FAM135B: variants seen among roughly 807,000 people sequenced by gnomAD.
FAM135B encodes the protein protein FAM135B.
In FAM135B, 43 loss-of-function variants were observed where a neutral mutation model predicts 127.7. That is an observed-to-expected ratio of 0.34 (90% confidence interval 0.26 to 0.43). The LOEUF (loss-of-function observed/expected upper bound fraction) is 0.43, where lower values mean the gene tolerates loss of function less well. Among genes scored for constraint, FAM135B ranks in the 20% least tolerant of loss-of-function variants. The probability of loss-of-function intolerance (pLI) is 1.00; values close to 1 mark genes in which losing one functional copy is unlikely to be tolerated. For missense variants in FAM135B, 1,558 were observed against 1,725.6 expected, an observed-to-expected ratio of 0.90 and a Z score of 1.72; for synonymous variants, 670 against 665.1, an observed-to-expected ratio of 1.01 and a Z score of -0.11.
In FAM135B at chr8:138,244,247, T is replaced by C. The variant is rs7825064; in HGVS notation, c.543-1179A>G. Among the ~76,000 whole-genome samples the C allele has an allele frequency of 6.0e-3, 915 of 152,256 alleles. 5 individuals are homozygous for C. Among genetic ancestry groups the C allele is most frequent in the South Asian group, 0.013 (65 of 4,816 alleles). On this transcript the variant is annotated intron_variant, in intron 6 of 19. Transcript: ENST00000395297. The stretch of plus-strand genomic sequence containing the variant: ...AAGGAAACCAATAGATGTAATACAA[T>C]GCAGGAAAACTCAGGCCAGTGTGTG...
intron 3 of FAM135B, among the ~76,000 whole-genome samples, chr8:138,295,913 T>C (rs1825448309): frequency 6.6e-6 from 1 of 152,106 alleles, no homozygotes; most frequent in South Asian, 2.1e-4. Flanking sequence ...AAAAGCACAT[T>C]TGTCAGGTGT....
rs142662875 is a variant in FAM135B, at chr8:138,308,910, G to C, written c.157+1931C>G. 7.8e-4 allele frequency: 304 copies of C among 391,078 alleles called. 1 individual carries two copies. The highest frequency in any genetic ancestry group is 6.6e-3 in the East Asian group (89 of 13,420). The allele number at this position is 391,078 out of a possible 1,614,324, so 24.2% of individuals were successfully genotyped here. ...TGCTTCACTTCTAGGTCTCCTCTCCGAGGCTTTTACCTTGACCCTGAGAGC... is the reference window on the plus strand; with the variant it reads ...TGCTTCACTTCTAGGTCTCCTCTCCCAGGCTTTTACCTTGACCCTGAGAGC... On this transcript the variant is annotated intron_variant, in intron 3 of 19. Coordinates refer to ENST00000395297, the MANE Select transcript of FAM135B (RefSeq NM_015912.4).
intron 3 of FAM135B, among the ~76,000 whole-genome samples, chr8:138,291,972 G>C (rs1039831795): frequency 1.3e-5 from 2 of 152,086 alleles, no homozygotes; most frequent in Non-Finnish European, 2.9e-5. Context: ...AAAGGAAGAG[G>C]TAAAGTTGTT....
rs114972044 is a variant in FAM135B at position 138,283,345 on chromosome 8, T to C, written c.158-17503A>G. 6.3e-3 allele frequency among the ~76,000 whole-genome samples: 963 copies of C among 151,770 alleles called. 15 individuals carry two copies. Among genetic ancestry groups the C allele is most frequent in the African/African-American group, 0.022 (923 of 41,342 alleles). ...TGTAAATACTTATTACTAATTGAAA[T>C]AAGTCAATCTAAAGGGCTAAGTACT... On this transcript the variant is annotated intron_variant, in intron 3 of 19. Transcript: ENST00000395297.
chr8:138,301,800 T>C (rs909638421), intron 3 of FAM135B, among the ~76,000 whole-genome samples: 4 of 152,218 alleles, frequency 2.6e-5, no homozygotes, highest in African/African-American at 9.6e-5. Flanking sequence ...ATGCACACAA[T>C]TTTATAACGC....
At chr8:138,426,442 G>T (rs1834894956) in intron 1 of FAM135B, among the ~76,000 whole-genome samples, 1 of 151,182 alleles carries the variant, frequency 6.6e-6, no homozygotes, top group Non-Finnish European at 1.5e-5. Flanking sequence ...AAGCATGCAT[G>T]TACCTCATTA....
At chr8:138,314,032 AC>A (rs1222468069) in intron 2 of FAM135B, among the ~76,000 whole-genome samples, 3 of 151,974 alleles carry the variant, frequency 2.0e-5, no homozygotes, top group African/African-American at 7.3e-5. Context: ...TTTGAGATGG[AC>A]CCCAGGCATA....
At chr8:138,467,872 C>T (rs538665856) in intron 1 of FAM135B, among the ~76,000 whole-genome samples, 11 of 152,176 alleles carry the variant, frequency 7.2e-5, no homozygotes, top group African/African-American at 2.7e-4. Context: ...TATGAAATAT[C>T]ATTTATTTAC....
intron 2 of FAM135B, among the ~76,000 whole-genome samples, chr8:138,337,672 G>C (rs1417116253): frequency 2.0e-5 from 3 of 152,040 alleles, no homozygotes; most frequent in African/African-American, 7.2e-5. Flanking sequence ...TTGTGAAAAT[G>C]GCCAAACTGC....
intron 1 of FAM135B, among the ~76,000 whole-genome samples, chr8:138,390,897 T>C (rs1021480370): frequency 4.6e-5 from 7 of 152,072 alleles, no homozygotes; most frequent in African/African-American, 7.2e-5. Context: ...CCTTCAGAAA[T>C]GTACACTTTG....
At chr8:138,378,996 G>A (rs995091526) in intron 1 of FAM135B, among the ~76,000 whole-genome samples, 16 of 152,164 alleles carry the variant, frequency 1.1e-4, no homozygotes, top group African/African-American at 3.9e-4. Context: ...CTCAGGCATG[G>A]AGCCTTTTCC....
chr8:138,151,954 C>T lies in FAM135B; in HGVS notation c.2521G>A (p.Gly841Ser), dbSNP rs1319014818. The T allele has an allele frequency of 6.2e-7, 1 of 1,614,132 alleles. No individual in the cohort carries two copies. Among genetic ancestry groups the T allele is most frequent in the Admixed American group, 1.7e-5 (1 of 60,032 alleles). Residue 841 changes from glycine (G) to serine (S), a missense_variant, in exon 13 of 20, where the codon GGC becomes AGC. Gly to Ser is a moderately conservative substitution (Grantham distance 56). Transcript: ENST00000395297. ...EIVLDADNQQ[G>S]PGYIDIPKGK... is the part of the protein sequence containing the mutation. ...TTGGGGATGTCTATGTATCCGGGGC[C>T]CTGCTGGTTGTCAGCATCTAAAACT...
At chr8:138,185,739 G>A (rs185559028) in intron 9 of FAM135B, among the ~76,000 whole-genome samples, 26 of 152,234 alleles carry the variant, frequency 1.7e-4, no homozygotes, top group Admixed American at 3.9e-4. Context: ...GAAAACCTCC[G>A]TTGCTGTATT....
intron 1 of FAM135B, among the ~76,000 whole-genome samples, chr8:138,452,948 C>T (rs983253026): frequency 1.3e-5 from 2 of 152,206 alleles, no homozygotes; most frequent in East Asian, 3.9e-4. Context: ...GAAGCTACAA[C>T]GTCTTCTGTG....
At chr8:138,474,839 C>T (rs1814311047) in intron 1 of FAM135B, among the ~76,000 whole-genome samples, 2 of 152,078 alleles carry the variant, frequency 1.3e-5, no homozygotes. Context: ...CTCTCTATTC[C>T]CAGTGTGCTG....
At chr8:138,417,497 T>G (rs544048234) in intron 1 of FAM135B, among the ~76,000 whole-genome samples, 1 of 152,202 alleles carries the variant, frequency 6.6e-6, no homozygotes, top group Non-Finnish European at 1.5e-5. Flanking sequence ...GCCACTGGCA[T>G]GAATGTGTAC....
intron 12 of FAM135B, among the ~76,000 whole-genome samples, chr8:138,165,982 T>G (rs1196392567): frequency 1.3e-5 from 2 of 152,332 alleles, no homozygotes; most frequent in African/African-American, 4.8e-5. Context: ...TCTTTGAAAT[T>G]TAGCCATTTT....
intron 1 of FAM135B, among the ~76,000 whole-genome samples, chr8:138,376,642 G>A (rs1831492234): frequency 6.6e-6 from 1 of 152,044 alleles, no homozygotes. Flanking sequence ...ATTTCCTTTA[G>A]TTCCACAACA....
intron 3 of FAM135B, among the ~76,000 whole-genome samples, chr8:138,296,685 C>T (rs114741892): frequency 8.5e-5 from 13 of 152,260 alleles, no homozygotes; most frequent in African/African-American, 3.1e-4. Context: ...CTAACATCTA[C>T]AAGCATCACT....
Sources: gnomAD v4.1 joint callset for allele counts (sites outside exome capture counted in the v4.1 genomes callset) on GRCh38, gnomAD v4.1.1 for gene constraint, MANE v1.5 for transcripts, NCBI Gene and HGNC (gene_info 2026-07-23, HGNC 2026-07-21) for gene names.